The following SPIDR variants were observed in gnomAD, a reference collection of about 807,000 sequenced individuals.
SPIDR encodes the protein DNA repair-scaffolding protein.
A neutral mutation model predicts 104.6 loss-of-function variants in SPIDR; 93 were observed. The ratio of observed to expected loss-of-function variants is 0.89; its 90% CI spans 0.75 to 1.06. SPIDR has a LOEUF of 1.06. Among genes scored for constraint, SPIDR ranks in the 50% least tolerant of loss-of-function variants. SPIDR has a pLI of 0.00. For synonymous variants in SPIDR, 431 were observed against 416.9 expected (o/e 1.03, Z -0.41); for missense variants, 1,154 against 1,111.2 (o/e 1.04, Z -0.55).
chr8:47,528,172 A>G lies in SPIDR; in HGVS notation c.1098-67639A>G, dbSNP rs1035931696. On this transcript the variant is annotated intron_variant, in intron 8 of 19. Coordinates refer to ENST00000297423, the MANE Select transcript of SPIDR (RefSeq NM_001080394.4). ...AAGGACAGTTTCATCACTTTTTTCT[A>G]TATAGCTGTTCACATGGGGCCAATC... 4 of 152,188 alleles carry G rather than the reference A, an allele frequency of 2.6e-5. No homozygotes were observed. In the East Asian group the frequency reaches 5.8e-4, roughly 22 times the overall value. 9.4% of individuals were successfully genotyped at this position (152,188 alleles called of 1,614,324 possible).
At chr8:47,466,912 T>TATAG (rs1240331641) in intron 8 of SPIDR, among the ~76,000 whole-genome samples, 1,291 of 113,282 alleles carry the variant, frequency 0.011, 33 homozygotes, top group African/African-American at 0.037. Flanking sequence ...TATATATATA[T>TATAG]ATAGATAGAT....
At chr8:47,688,446 G>A (rs1184301507) in intron 11 of SPIDR, 1 of 152,272 alleles carries the variant, frequency 6.6e-6, no homozygotes, top group Non-Finnish European at 1.5e-5. Flanking sequence ...TTGCTCACTA[G>A]AGATGCCGCG....
chr8:47,504,422 C>T (rs1373306842), intron 8 of SPIDR, among the ~76,000 whole-genome samples: 10 of 152,026 alleles, frequency 6.6e-5, no homozygotes, highest in Admixed American at 2.6e-4. Flanking sequence ...TCTAGTTGAT[C>T]GAATCGGCTA....
intron 8 of SPIDR, among the ~76,000 whole-genome samples, chr8:47,544,948 A>G (rs543774206): frequency 6.6e-6 from 1 of 152,282 alleles, no homozygotes; most frequent in African/African-American, 2.4e-5. Flanking sequence ...TCAGTTCATG[A>G]ACACAGTATG....
chr8:47,381,165 C>G (rs1554645275), intron 5 of SPIDR, among the ~76,000 whole-genome samples: 3 of 152,120 alleles, frequency 2.0e-5, no homozygotes, highest in Non-Finnish European at 2.9e-5. Context: ...ACTTTGGGTC[C>G]CTCCCTCCTT....
chr8:47,645,836 C>A (rs1033930662), intron 10 of SPIDR, among the ~76,000 whole-genome samples: 1 of 152,098 alleles, frequency 6.6e-6, no homozygotes, highest in African/African-American at 2.4e-5. Context: ...TTTAATCTTA[C>A]ACCAAGATAG....
intron 10 of SPIDR, chr8:47,673,305 T>A (rs1250248905): frequency 2.4e-6 from 1 of 414,612 alleles, no homozygotes; most frequent in Non-Finnish European, 4.9e-6. Context: ...TATGCGTGTC[T>A]AAACGTGTAC....
At chr8:47,550,987 G>GC (rs1235007256) in intron 8 of SPIDR, among the ~76,000 whole-genome samples, 9 of 152,172 alleles carry the variant, frequency 5.9e-5, no homozygotes, top group African/African-American at 1.9e-4. Context: ...AAGCGTTGTT[G>GC]AATTTTGTCA....
chr8:47,667,378 G>T (rs553437420), intron 10 of SPIDR, among the ~76,000 whole-genome samples: 13 of 147,228 alleles, frequency 8.8e-5, no homozygotes, highest in African/African-American at 2.8e-4. Flanking sequence ...CAGAAGGATC[G>T]CAAGAGGCCA....
chr8:47,301,612 C>T (rs1449158873), intron 5 of SPIDR, among the ~76,000 whole-genome samples: 1 of 146,336 alleles, frequency 6.8e-6, no homozygotes, highest in African/African-American at 2.6e-5. Flanking sequence ...TCAGTGCTTC[C>T]TTCAGGAGCT....
At chr8:47,394,069 G>T (rs2060962025) in intron 5 of SPIDR, among the ~76,000 whole-genome samples, 3 of 152,120 alleles carry the variant, frequency 2.0e-5, no homozygotes, top group Admixed American at 2.0e-4. Context: ...ACCACACCGG[G>T]CTAATTTTTG....
At chr8:47,293,346 A>G (rs1554570716) in intron 4 of SPIDR, among the ~76,000 whole-genome samples, 72,320 of 152,138 alleles carry the variant, frequency 0.48, 20,925 homozygotes, top group African/African-American at 0.82. Context: ...AACTCTACAA[A>G]GATACAGAAA....
intron 6 of SPIDR, among the ~76,000 whole-genome samples, chr8:47,397,638 C>T (rs1197828198): frequency 2.0e-5 from 3 of 151,896 alleles, no homozygotes; most frequent in African/African-American, 2.4e-5. Flanking sequence ...GTTGGATCCA[C>T]GGATGATATT....
At chr8:47,644,647 G>A (rs375494751) in intron 10 of SPIDR, among the ~76,000 whole-genome samples, 4 of 152,170 alleles carry the variant, frequency 2.6e-5, no homozygotes, top group Non-Finnish European at 5.9e-5. Flanking sequence ...CTCCTTATGT[G>A]ATTGATATAT....
intron 5 of SPIDR, among the ~76,000 whole-genome samples, chr8:47,307,520 CTTTTCTCATTTCGTTTT>C (rs2043293018): frequency 8.0e-6 from 1 of 124,436 alleles, no homozygotes; most frequent in African/African-American, 3.0e-5. Flanking sequence ...CACCCAGCCT[CTTTTCTCATTTCGTTTT>C]TTTTTTTTTT....
At chr8:47,563,052 T>G (rs79869948) in intron 8 of SPIDR, among the ~76,000 whole-genome samples, 1 of 151,912 alleles carries the variant, frequency 6.6e-6, no homozygotes, top group Non-Finnish European at 1.5e-5. Context: ...TTTTTTTTTT[T>G]TGTCAATGAA....
chr8:47,663,209 A>G (rs1044120739), intron 10 of SPIDR, among the ~76,000 whole-genome samples: 4 of 152,154 alleles, frequency 2.6e-5, no homozygotes, highest in African/African-American at 9.7e-5. Context: ...CCTAAAGGTC[A>G]CCTTCCTTTA....
At chr8:47,389,411 C>T (rs757964122) in intron 5 of SPIDR, among the ~76,000 whole-genome samples, 9 of 152,106 alleles carry the variant, frequency 5.9e-5, no homozygotes, top group South Asian at 2.1e-4. Flanking sequence ...AGTTTCCGGC[C>T]GGGCACGGTG....
At position 47,362,274 on chromosome 8, in the gene SPIDR, G is replaced by C. The variant is rs527982552; in HGVS notation, c.526-34102G>C. ...TAGTGCTGACAGAATCCATTGTATCGCTTTTAAAGACCTGTAATGATTGTG... is the reference window on the plus strand; with the variant it reads ...TAGTGCTGACAGAATCCATTGTATCCCTTTTAAAGACCTGTAATGATTGTG... On this transcript the variant is annotated intron_variant, in intron 5 of 19. Transcript: ENST00000297423. Among the ~76,000 whole-genome samples the C allele has an allele frequency of 3.1e-4, 47 of 152,276 alleles. No homozygotes were observed. In the South Asian group the frequency reaches 9.7e-3, roughly 32 times the overall value.
Sources: allele counts gnomAD v4.1 joint callset (sites outside exome capture counted in the v4.1 genomes callset), GRCh38; gene constraint gnomAD v4.1.1; transcripts MANE v1.5; gene names NCBI Gene and HGNC (gene_info 2026-07-23, HGNC 2026-07-21).